NEDD4L: variants seen among roughly 807,000 people sequenced by gnomAD.
The protein encoded by NEDD4L is NEDD4 like E3 ubiquitin protein ligase, also known as E3 ubiquitin-protein ligase NEDD4-like.
NEDD4L carries 54 observed loss-of-function variants against 148.9 expected under a neutral mutation model. The observed-to-expected ratio is 0.36, with a 90% CI of 0.29 to 0.45. The LOEUF (loss-of-function observed/expected upper bound fraction) is 0.45. Ranked by LOEUF, NEDD4L falls within the 20% of genes least tolerant of loss-of-function variation. NEDD4L has a pLI of 1.00. For missense variants in NEDD4L, 856 were observed against 1,233.8 expected, an observed-to-expected ratio of 0.69 and a Z score of 4.59; for synonymous variants, 433 against 440.7, an observed-to-expected ratio of 0.98 and a Z score of 0.22.
intron 1 of NEDD4L, among the ~76,000 whole-genome samples, chr18:58,057,285 A>G (rs2082130101): frequency 6.6e-6 from 1 of 151,010 alleles, no homozygotes; most frequent in South Asian, 2.1e-4. Context: ...GTGATTTATG[A>G]CTAAATAGGC....
chr18:58,101,065 C>T (rs933047614), intron 1 of NEDD4L, among the ~76,000 whole-genome samples: 2 of 152,172 alleles, frequency 1.3e-5, no homozygotes, highest in East Asian at 3.9e-4. Context: ...CTTTGCCTTC[C>T]AAAGTGCTGG....
intron 24 of NEDD4L, among the ~76,000 whole-genome samples, chr18:58,379,404 G>A (rs1017080995): frequency 2.6e-5 from 4 of 152,172 alleles, no homozygotes; most frequent in African/African-American, 9.7e-5. Flanking sequence ...GGTACCACCC[G>A]GTGTTCAGTG....
intron 2 of NEDD4L, among the ~76,000 whole-genome samples, chr18:58,175,399 G>T (rs2038012057): frequency 6.6e-6 from 1 of 152,222 alleles, no homozygotes; most frequent in Admixed American, 6.5e-5. Flanking sequence ...ATTTGGACTT[G>T]TCCTCTGCAC....
intron 1 of NEDD4L, among the ~76,000 whole-genome samples, chr18:58,119,617 T>G (rs1657308278): frequency 6.6e-6 from 1 of 152,188 alleles, no homozygotes; most frequent in Non-Finnish European, 1.5e-5. Context: ...CGGTGTAGCT[T>G]TATAACAAGT....
At chr18:58,294,035 T>C (rs1389873440) in intron 5 of NEDD4L, among the ~76,000 whole-genome samples, 1 of 152,172 alleles carries the variant, frequency 6.6e-6, no homozygotes, top group Non-Finnish European at 1.5e-5. Context: ...GAAATTTTGG[T>C]ATTAGGAAGT....
At chr18:58,230,759 T>A (rs2045075803) in intron 2 of NEDD4L, among the ~76,000 whole-genome samples, 1 of 152,132 alleles carries the variant, frequency 6.6e-6, no homozygotes, top group South Asian at 2.1e-4. Context: ...GACAAGACTA[T>A]TTTCCAAACA....
chr18:58,286,107 G>T (rs2053868751), intron 5 of NEDD4L, among the ~76,000 whole-genome samples: 1 of 152,134 alleles, frequency 6.6e-6, no homozygotes, highest in African/African-American at 2.4e-5. Flanking sequence ...CTCACCATGG[G>T]TATATTTAAG....
intron 1 of NEDD4L, among the ~76,000 whole-genome samples, chr18:58,080,093 T>A (rs1162095279): frequency 1.3e-5 from 2 of 151,942 alleles, no homozygotes; most frequent in African/African-American, 4.8e-5. Flanking sequence ...CCTTGCTAAG[T>A]TTTAAATTTT....
chr18:58,295,197 T>C (rs2055379368), intron 5 of NEDD4L, among the ~76,000 whole-genome samples: 1 of 152,226 alleles, frequency 6.6e-6, no homozygotes, highest in Non-Finnish European at 1.5e-5. Flanking sequence ...TATAATGACA[T>C]GTATTCACTA....
chr18:58,353,438 G>A (rs950842123), intron 18 of NEDD4L, among the ~76,000 whole-genome samples: 1 of 152,248 alleles, frequency 6.6e-6, no homozygotes, highest in African/African-American at 2.4e-5. Context: ...AAGAGATATA[G>A]CATAAATTAA....
At chr18:58,115,989 G>C (rs181742153) in intron 1 of NEDD4L, among the ~76,000 whole-genome samples, 1 of 152,176 alleles carries the variant, frequency 6.6e-6, no homozygotes, top group African/African-American at 2.4e-5. Context: ...GTTTAGGCCT[G>C]ATGATTTTTG....
At chr18:58,169,769 T>A (rs1283864442) in intron 2 of NEDD4L, among the ~76,000 whole-genome samples, 3 of 152,170 alleles carry the variant, frequency 2.0e-5, no homozygotes, top group East Asian at 3.9e-4. Flanking sequence ...TGGTGACTCC[T>A]CCAGTGGCCC....
chr18:58,254,389 T>G (rs1325439137), intron 5 of NEDD4L, among the ~76,000 whole-genome samples: 2 of 152,256 alleles, frequency 1.3e-5, no homozygotes, highest in East Asian at 3.9e-4. Flanking sequence ...TGATGACAGT[T>G]TTTTGAGTGT....
intron 5 of NEDD4L, among the ~76,000 whole-genome samples, chr18:58,288,698 G>A (rs754649024): frequency 3.4e-4 from 51 of 152,106 alleles, no homozygotes; most frequent in Non-Finnish European, 3.1e-4. Flanking sequence ...GAGGTCTGTT[G>A]CCTTTTTTTT....
rs142742936 is a variant in NEDD4L, at chr18:58,190,392, C to T, written c.122+24531C>T. The stretch of plus-strand genomic sequence containing the variant: ...TCTTTATAATGGAATAGTATAAAGC[C>T]ATTAGAAATGATGTTACAGATAAGT... On this transcript the variant is annotated intron_variant, in intron 2 of 30. Coordinates refer to ENST00000400345, the MANE Select transcript of NEDD4L (RefSeq NM_001144967.3). Among the ~76,000 whole-genome samples, 800 of 152,072 alleles carry T rather than the reference C, an allele frequency of 5.3e-3. 4 individuals are homozygous for T. Among genetic ancestry groups the T allele is most frequent in the African/African-American group, 0.018 (754 of 41,470 alleles).
intron 24 of NEDD4L, among the ~76,000 whole-genome samples, chr18:58,377,636 C>T (rs2047734584): frequency 1.3e-5 from 2 of 152,166 alleles, no homozygotes; most frequent in Admixed American, 1.3e-4. Context: ...CACTGCTGTG[C>T]ACACATACCT....
chr18:58,279,859 T>C (rs961138094), intron 5 of NEDD4L, among the ~76,000 whole-genome samples: 1 of 152,206 alleles, frequency 6.6e-6, no homozygotes, highest in Non-Finnish European at 1.5e-5. Context: ...CTAAAGTACA[T>C]TCACAAATAA....
At chr18:58,272,541 A>T (rs2051201806) in intron 5 of NEDD4L, among the ~76,000 whole-genome samples, 2 of 151,912 alleles carry the variant, frequency 1.3e-5, no homozygotes, top group Non-Finnish European at 2.9e-5. Flanking sequence ...AGGTAGGAGG[A>T]TCACCTGAGC....
Position 58,400,202 on chromosome 18 carries a change from C to CTGCT in NEDD4L, c.*3934_*3937dup. Reference sequence around the variant, plus strand: ...GCCGCTGTGCAGGGTAACTGCCCGCCTGCTCCCTTCCTGACCTCCCCTGAC... The same window carrying CTGCT: ...GCCGCTGTGCAGGGTAACTGCCCGCCTGCTTGCTCCCTTCCTGACCTCCCCTGAC... On this transcript the variant is annotated 3_prime_UTR_variant, in exon 31 of 31. Transcript: ENST00000400345. 6.6e-6 allele frequency: 1 copy of CTGCT among 152,436 alleles called. No homozygotes were observed. The highest frequency in any genetic ancestry group is 1.9e-4 in the East Asian group (1 of 5,190). The allele number at this position is 152,436 out of a possible 1,614,324, so 9.4% of individuals were successfully genotyped here.
Sources: gnomAD v4.1 joint callset for allele counts (sites outside exome capture counted in the v4.1 genomes callset) on GRCh38, gnomAD v4.1.1 for gene constraint, MANE v1.5 for transcripts, NCBI Gene and HGNC (gene_info 2026-07-23, HGNC 2026-07-21) for gene names.